The following TRHDE variants were observed in gnomAD, a reference collection of about 807,000 sequenced individuals.
The protein encoded by TRHDE is thyrotropin-releasing hormone-degrading ectoenzyme.
A neutral mutation model predicts 125.7 loss-of-function variants in TRHDE; 72 were observed. That is an observed-to-expected ratio of 0.57 (90% CI 0.47 to 0.70). The LOEUF is 0.70. Ranked by LOEUF, TRHDE falls within the 30% of genes least tolerant of loss-of-function variation. TRHDE has a pLI of 0.00. For missense variants in TRHDE, 1,110 were observed against 1,327.1 expected, an observed-to-expected ratio of 0.84 and a Z score of 2.54; for synonymous variants, 509 against 509.1, an observed-to-expected ratio of 1.00 and a Z score of 0.00.
intron 2 of TRHDE, among the ~76,000 whole-genome samples, chr12:72,152,137 T>A (rs1406298043): frequency 6.6e-6 from 1 of 151,362 alleles, no homozygotes; most frequent in Non-Finnish European, 1.5e-5. Context: ...GATTCCTAGG[T>A]ATTTTATTCT....
At chr12:72,601,707 C>T (rs748127470) in intron 12 of TRHDE, among the ~76,000 whole-genome samples, 12 of 152,098 alleles carry the variant, frequency 7.9e-5, no homozygotes, top group African/African-American at 2.4e-4. Context: ...GATTACTAAA[C>T]GCTTAGATGA....
intron 2 of TRHDE, among the ~76,000 whole-genome samples, chr12:72,364,042 T>C (rs1039356232): frequency 6.6e-6 from 1 of 151,926 alleles, no homozygotes; most frequent in Admixed American, 6.6e-5. Flanking sequence ...GAGAATAAAA[T>C]AGCTAGGAAG....
At chr12:72,572,153 G>A (rs12297086) in intron 10 of TRHDE, among the ~76,000 whole-genome samples, 40,277 of 151,764 alleles carry the variant, frequency 0.27, 8,045 homozygotes, top group African/African-American at 0.54. Flanking sequence ...GAGAAGACCA[G>A]TATGTATTAT....
intron 17 of TRHDE, among the ~76,000 whole-genome samples, chr12:72,654,590 G>A (rs1460181439): frequency 6.6e-6 from 1 of 152,048 alleles, no homozygotes; most frequent in African/African-American, 2.4e-5. Context: ...TTATGAGTGT[G>A]CCTGCAAAGC....
At chr12:72,295,031 G>T (rs1246247369) in intron 2 of TRHDE, among the ~76,000 whole-genome samples, 1 of 151,866 alleles carries the variant, frequency 6.6e-6, no homozygotes, top group Non-Finnish European at 1.5e-5. Context: ...GGGCAAGGGG[G>T]GCTTTCCTGG....
chr12:72,303,268 T>C (rs1043359453), intron 2 of TRHDE: 2 of 152,068 alleles, frequency 1.3e-5, no homozygotes, highest in African/African-American at 4.8e-5. Flanking sequence ...CCTTTTAATA[T>C]TAGGAAACAG....
At chr12:72,440,315 T>C (rs2135854577) in intron 3 of TRHDE, among the ~76,000 whole-genome samples, 1 of 152,034 alleles carries the variant, frequency 6.6e-6, no homozygotes, top group East Asian at 1.9e-4. Flanking sequence ...GTATTAGTTT[T>C]TCTTTAAACA....
chr12:72,574,438 C>T (rs1565795759), intron 10 of TRHDE, among the ~76,000 whole-genome samples: 1 of 152,000 alleles, frequency 6.6e-6, no homozygotes, highest in Non-Finnish European at 1.5e-5. Flanking sequence ...TTTTATGTAA[C>T]ATGAGACCTG....
chr12:72,104,852 C>T (rs1181547153), intron 1 of TRHDE, among the ~76,000 whole-genome samples: 1 of 152,168 alleles, frequency 6.6e-6, no homozygotes, highest in East Asian at 1.9e-4. Flanking sequence ...GCTTCAGGGA[C>T]ATTTTGAACC....
chr12:72,181,450 C>A (rs370264798), intron 2 of TRHDE, among the ~76,000 whole-genome samples: 2 of 152,076 alleles, frequency 1.3e-5, no homozygotes, highest in Non-Finnish European at 2.9e-5. Flanking sequence ...TCAAAGGGCC[C>A]TGGGCTAACC....
intron 18 of TRHDE, among the ~76,000 whole-genome samples, chr12:72,657,283 A>C (rs540491619): frequency 6.6e-6 from 1 of 152,272 alleles, no homozygotes; most frequent in East Asian, 1.9e-4. Context: ...TGATCCAATC[A>C]GCTATTCCTC....
At chr12:72,462,851 A>G (rs923502129) in intron 3 of TRHDE, among the ~76,000 whole-genome samples, 5 of 151,904 alleles carry the variant, frequency 3.3e-5, no homozygotes, top group African/African-American at 1.2e-4. Context: ...GCACTCCCCA[A>G]CCCCTCAAAC....
chr12:72,635,357 T>A (rs1275975079), intron 15 of TRHDE, among the ~76,000 whole-genome samples: 1 of 152,190 alleles, frequency 6.6e-6, no homozygotes, highest in Non-Finnish European at 1.5e-5. Flanking sequence ...TTGCTTGTTT[T>A]TTTCTTGTAA....
At chr12:72,641,650 C>T (rs1044801312) in intron 15 of TRHDE, among the ~76,000 whole-genome samples, 1 of 152,012 alleles carries the variant, frequency 6.6e-6, no homozygotes, top group African/African-American at 2.4e-5. Context: ...AAACCAGTGC[C>T]TTATTGTTGA....
intron 6 of TRHDE, among the ~76,000 whole-genome samples, chr12:72,508,494 G>A (rs1159856722): frequency 6.6e-6 from 1 of 152,186 alleles, no homozygotes; most frequent in Non-Finnish European, 1.5e-5. Flanking sequence ...CATGGGGCCT[G>A]TAGTCCCTTT....
intron 15 of TRHDE, among the ~76,000 whole-genome samples, chr12:72,632,579 T>G (rs983355051): frequency 6.6e-6 from 1 of 151,990 alleles, no homozygotes; most frequent in Non-Finnish European, 1.5e-5. Context: ...TGTTTTAGAC[T>G]GAGTCATCAT....
chr12:72,133,224 T>A (rs1488062475), intron 2 of TRHDE, among the ~76,000 whole-genome samples: 2 of 152,142 alleles, frequency 1.3e-5, no homozygotes, highest in African/African-American at 2.4e-5. Context: ...GTGAAACCAG[T>A]AGGAAGTTAA....
intron 2 of TRHDE, among the ~76,000 whole-genome samples, chr12:72,117,758 A>G (rs1022550749): frequency 1.3e-5 from 2 of 151,476 alleles, no homozygotes; most frequent in Non-Finnish European, 2.9e-5. Context: ...TCTTTCACCA[A>G]TATTTTATAG....
intron 3 of TRHDE, among the ~76,000 whole-genome samples, chr12:72,405,800 A>G (rs977972395): frequency 6.6e-6 from 1 of 152,234 alleles, no homozygotes; most frequent in Non-Finnish European, 1.5e-5. Context: ...GCAGTGTTAC[A>G]TATGTGAAAC....
Sources: gnomAD v4.1 joint callset for allele counts (sites outside exome capture counted in the v4.1 genomes callset) on GRCh38, gnomAD v4.1.1 for gene constraint, MANE v1.5 for transcripts, NCBI Gene and HGNC (gene_info 2026-07-23, HGNC 2026-07-21) for gene names.